COP1: variants seen among roughly 807,000 people sequenced by gnomAD.
The protein encoded by COP1 is COP1 E3 ubiquitin ligase.
Under a neutral mutation model 101.3 loss-of-function variants are expected in COP1, and 24 were observed. The observed-to-expected ratio is 0.24, with a 90% confidence interval of 0.17 to 0.33. The LOEUF (loss-of-function observed/expected upper bound fraction) is 0.33. Among genes scored for constraint, COP1 ranks in the 10% least tolerant of loss-of-function variants. The pLI, the probability that COP1 is intolerant of heterozygous loss-of-function variation, is 1.00. For synonymous variants in COP1, 347 were observed against 341.9 expected, an observed-to-expected ratio of 1.01 and a Z score of -0.17; for missense variants, 663 against 906.2, an observed-to-expected ratio of 0.73 and a Z score of 3.45.
At chr1:176,169,041 GT>G (rs1226932858) in intron 3 of COP1, among the ~76,000 whole-genome samples, 8 of 152,136 alleles carry the variant, frequency 5.3e-5, no homozygotes, top group Non-Finnish European at 4.4e-5. Context: ...CAATAAATCA[GT>G]AAGTGCTTCT....
chr1:176,079,417 G>C (rs937915425), intron 11 of COP1, among the ~76,000 whole-genome samples: 1 of 152,084 alleles, frequency 6.6e-6, no homozygotes, highest in African/African-American at 2.4e-5. Flanking sequence ...TTGTAAGTGG[G>C]AGCTAAACAC....
chr1:176,010,159 G>A (rs546663924), intron 15 of COP1, among the ~76,000 whole-genome samples: 7 of 151,972 alleles, frequency 4.6e-5, no homozygotes, highest in South Asian at 4.2e-4. Context: ...AACACACACC[G>A]CCTCTTGTCT....
intron 15 of COP1, chr1:176,018,682 A>G (rs1666112526): frequency 6.6e-6 from 1 of 152,070 alleles, no homozygotes; most frequent in South Asian, 2.1e-4. Context: ...TTTTTGCTGA[A>G]AAAGGTATAT....
At chr1:176,006,353 A>C (rs1021151384) in intron 15 of COP1, among the ~76,000 whole-genome samples, 3 of 152,072 alleles carry the variant, frequency 2.0e-5, no homozygotes, top group South Asian at 2.1e-4. Flanking sequence ...TTTATATTTA[A>C]AGTTAATATT....
Position 176,154,035 on chromosome 1 carries a change from C to T in COP1, c.763-4961G>A, listed in dbSNP as rs139774134. 2.6e-3 allele frequency among the ~76,000 whole-genome samples: 398 copies of T among 152,192 alleles called. 3 individuals are homozygous for T. Among genetic ancestry groups the T allele is most frequent in the African/African-American group, 9.1e-3 (379 of 41,516 alleles). ...TTTTTGCATGGATGTGAATCAGTAA[C>T]ACTGGTCTTAAGTTTCCTTTTTTTG... On this transcript the variant is annotated intron_variant, in intron 5 of 19. Transcript: ENST00000367669.
chr1:176,063,007 GA>G (rs1273431464), intron 11 of COP1, among the ~76,000 whole-genome samples: 1 of 148,976 alleles, frequency 6.7e-6, no homozygotes, highest in African/African-American at 2.5e-5. Context: ...AGGAGGGGTG[GA>G]ATTAACTGCA....
chr1:176,152,048 C>A (rs970262797), intron 5 of COP1, among the ~76,000 whole-genome samples: 3 of 151,320 alleles, frequency 2.0e-5, no homozygotes, highest in African/African-American at 7.3e-5. Context: ...CCTAGCACTG[C>A]GGGAAGCCAA....
At chr1:176,188,609 T>G (rs1490045290) in intron 1 of COP1, among the ~76,000 whole-genome samples, 1 of 152,164 alleles carries the variant, frequency 6.6e-6, no homozygotes, top group East Asian at 1.9e-4. Context: ...ATTTTGGTAA[T>G]TTTCACAATA....
At chr1:176,181,878 C>G (rs143597516) in intron 2 of COP1, among the ~76,000 whole-genome samples, 1 of 151,328 alleles carries the variant, frequency 6.6e-6, no homozygotes, top group Non-Finnish European at 1.5e-5. Context: ...AAAAAACACA[C>G]GTTCTCATCA....
At position 176,025,204 on chromosome 1, in the gene COP1, A is replaced by G. The variant is rs532375482; in HGVS notation, c.1729+2368T>C. 4.7e-4 allele frequency among the ~76,000 whole-genome samples: 72 copies of G among 152,292 alleles called. 1 individual carries two copies. The highest frequency in any genetic ancestry group is 1.7e-3 in the African/African-American group (70 of 41,584). Reference sequence around the variant, plus strand: ...TTCAAAAGTAGATATTCTAAACAGCAGAACACTAAAGCTCATTCAACTAAA... The same window carrying G: ...TTCAAAAGTAGATATTCTAAACAGCGGAACACTAAAGCTCATTCAACTAAA... On this transcript the variant is annotated intron_variant, in intron 15 of 19. Coordinates refer to ENST00000367669, the MANE Select transcript of COP1 (RefSeq NM_022457.7).
At chr1:175,996,150 A>G (rs1180655638) in intron 15 of COP1, among the ~76,000 whole-genome samples, 2 of 152,226 alleles carry the variant, frequency 1.3e-5, no homozygotes, top group African/African-American at 4.8e-5. Flanking sequence ...CAAAATCCAC[A>G]TGGTTACCTC....
intron 8 of COP1, among the ~76,000 whole-genome samples, chr1:176,130,576 A>C (rs1688724425): frequency 6.6e-6 from 1 of 151,782 alleles, no homozygotes; most frequent in Non-Finnish European, 1.5e-5. Context: ...TTTTTAAAAA[A>C]CATACCTCAC....
chr1:175,949,206 T>TAAAAAAAAAAAAAAA (rs1649575181), intron 18 of COP1, among the ~76,000 whole-genome samples: 1 of 67,706 alleles, frequency 1.5e-5, no homozygotes, highest in African/African-American at 5.6e-5. Flanking sequence ...ACATGGGTAA[T>TAAAAAAAAAAAAAAA]ACAATACTCA....
intron 9 of COP1, among the ~76,000 whole-genome samples, chr1:176,098,239 A>T (rs1196713652): frequency 4.6e-5 from 7 of 152,212 alleles, no homozygotes; most frequent in Admixed American, 4.6e-4. Context: ...GCACCAAGCA[A>T]ATAATTAAAA....
At chr1:176,069,251 T>C (rs137983700) in intron 11 of COP1, among the ~76,000 whole-genome samples, 5 of 152,116 alleles carry the variant, frequency 3.3e-5, no homozygotes, top group East Asian at 1.9e-4. Flanking sequence ...GTTTTGGACA[T>C]AATGAAGCAA....
chr1:175,979,234 T>C (rs1380125274), intron 18 of COP1, among the ~76,000 whole-genome samples: 1 of 152,128 alleles, frequency 6.6e-6, no homozygotes, highest in Non-Finnish European at 1.5e-5. Flanking sequence ...ATAGAATTGT[T>C]TTGTTAATTG....
At chr1:176,131,067 T>TGTAA in intron 8 of COP1, among the ~76,000 whole-genome samples, 1 of 151,850 alleles carries the variant, frequency 6.6e-6, no homozygotes, top group East Asian at 1.9e-4. Flanking sequence ...AAAGGAACAG[T>TGTAA]GTAAGCAAAG....
At chr1:176,043,126 G>C in intron 14 of COP1, 60 bp downstream of exon 14, 1 of 955,700 alleles carries the variant, frequency 1.0e-6, no homozygotes, top group Non-Finnish European at 1.7e-6. Flanking sequence ...GCCGATGAAA[G>C]GAATTACAGT....
intron 1 of COP1, among the ~76,000 whole-genome samples, chr1:176,202,322 T>G (rs574707185): frequency 8.0e-4 from 122 of 151,794 alleles, no homozygotes; most frequent in African/African-American, 2.9e-3. Context: ...CTTGAGTAGC[T>G]GGGACTACAG....
Sources: allele counts gnomAD v4.1 joint callset (sites outside exome capture counted in the v4.1 genomes callset), GRCh38; gene constraint gnomAD v4.1.1; transcripts MANE v1.5; gene names NCBI Gene and HGNC (gene_info 2026-07-23, HGNC 2026-07-21).